ABCD3: variants seen among roughly 807,000 people sequenced by gnomAD.
The protein encoded by ABCD3 is ATP binding cassette subfamily D member 3.
ABCD3 carries 41 observed loss-of-function variants against 105.5 expected under a neutral mutation model. The ratio of observed to expected loss-of-function variants is 0.39; its 90% CI spans 0.30 to 0.50. The LOEUF (loss-of-function observed/expected upper bound fraction) is 0.50, where lower values mean the gene tolerates loss of function less well. Ranked by LOEUF, ABCD3 falls within the 20% of genes least tolerant of loss-of-function variation. The pLI is 0.84. For synonymous variants in ABCD3, 258 were observed against 269.0 expected (o/e 0.96, Z 0.40); for missense variants, 622 against 806.3 (o/e 0.77, Z 2.77).
chr1:94,418,701 G>A, intron 1 of ABCD3, 113 bp downstream of exon 1: 1 of 1,122,558 alleles, frequency 8.9e-7, no homozygotes, highest in South Asian at 1.4e-5. Flanking sequence ...CGGGCGGAGA[G>A]AGGGCCGACC....
At chr1:94,453,152 G>A (rs1193448908) in intron 1 of ABCD3, among the ~76,000 whole-genome samples, 1 of 152,056 alleles carries the variant, frequency 6.6e-6, no homozygotes, top group African/African-American at 2.4e-5. Flanking sequence ...TAAAGCATTG[G>A]AATTATCTGT....
chr1:94,484,629 C>A (rs902818195), intron 10 of ABCD3, among the ~76,000 whole-genome samples: 4 of 151,992 alleles, frequency 2.6e-5, no homozygotes, highest in Admixed American at 1.3e-4. Flanking sequence ...CACACCGGGG[C>A]CTGTTGTGGG....
intron 1 of ABCD3, among the ~76,000 whole-genome samples, chr1:94,456,650 G>A (rs1413003624): frequency 6.6e-6 from 1 of 150,926 alleles, no homozygotes; most frequent in Non-Finnish European, 1.5e-5. Flanking sequence ...TTGATCTCTC[G>A]ATGGACATTT....
At chr1:94,495,332 G>A (rs369636581) in intron 16 of ABCD3, among the ~76,000 whole-genome samples, 8 of 152,036 alleles carry the variant, frequency 5.3e-5, no homozygotes, top group Admixed American at 3.3e-4. Flanking sequence ...GGTTGATCCG[G>A]TAAAGCATTC....
chr1:94,507,781 A>C (rs888157138), intron 21 of ABCD3, among the ~76,000 whole-genome samples: 9 of 148,710 alleles, frequency 6.1e-5, no homozygotes, highest in East Asian at 5.9e-4. Context: ...TGGCTGCATA[A>C]ATGTCTTCTT....
intron 1 of ABCD3, among the ~76,000 whole-genome samples, chr1:94,429,025 A>G (rs1037384944): frequency 5.3e-5 from 8 of 152,338 alleles, no homozygotes; most frequent in Non-Finnish European, 1.2e-4. Context: ...GATATGAGCA[A>G]TAAGGTCCAG....
At chr1:94,511,563 C>T (rs1650673230) in intron 21 of ABCD3, among the ~76,000 whole-genome samples, 1 of 152,106 alleles carries the variant, frequency 6.6e-6, no homozygotes, top group African/African-American at 2.4e-5. Flanking sequence ...GGGAAGTTCT[C>T]CTGGATAATA....
chr1:94,425,734 G>A (rs1055045843), intron 1 of ABCD3, among the ~76,000 whole-genome samples: 3 of 152,032 alleles, frequency 2.0e-5, no homozygotes, highest in Non-Finnish European at 4.4e-5. Context: ...TCTACTTTAC[G>A]GATGCAAAAT....
At chr1:94,452,028 T>C (rs1647284830) in intron 1 of ABCD3, among the ~76,000 whole-genome samples, 1 of 152,234 alleles carries the variant, frequency 6.6e-6, no homozygotes, top group African/African-American at 2.4e-5. Context: ...GCATTCATCA[T>C]CTCTGATCTT....
At chr1:94,428,069 G>GTTTTTTTTTT (rs199615252) in intron 1 of ABCD3, among the ~76,000 whole-genome samples, 1 of 145,572 alleles carries the variant, frequency 6.9e-6, no homozygotes, top group African/African-American at 2.5e-5. Flanking sequence ...GCTAAAAGGT[G>GTTTTTTTTTT]TTTTGTTTTT....
At chr1:94,414,628 G>A (rs181164412), upstream of ABCD3, among the ~76,000 whole-genome samples, 17 of 152,174 alleles carry the variant, frequency 1.1e-4, no homozygotes, top group Admixed American at 8.5e-4. Context: ...CGGTTGGATT[G>A]GTGTTTCAGA....
chr1:94,443,178 A>C (rs895821358), intron 1 of ABCD3, among the ~76,000 whole-genome samples: 2 of 152,086 alleles, frequency 1.3e-5, no homozygotes, highest in African/African-American at 4.8e-5. Flanking sequence ...TAGGATGGTA[A>C]TCTCCTTGTG....
chr1:94,516,100 T>C (rs1246686398), intron 22 of ABCD3, among the ~76,000 whole-genome samples: 1 of 151,932 alleles, frequency 6.6e-6, no homozygotes, highest in Non-Finnish European at 1.5e-5. Flanking sequence ...TCAAGAACTT[T>C]AGGATGTAGA....
At position 94,515,061 on chromosome 1, in the gene ABCD3, G is replaced by T. The variant is rs184821035; in HGVS notation, c.1846-85G>T. Reference sequence around the variant, plus strand: ...TTTTTAACTTTAGTCACTGAAGACTGTCCTCTTAACAGCTTAAAGTACATG... The same window carrying T: ...TTTTTAACTTTAGTCACTGAAGACTTTCCTCTTAACAGCTTAAAGTACATG... On this transcript the variant is annotated intron_variant, in intron 21 of 22. Coordinates refer to ENST00000370214, the MANE Select transcript of ABCD3 (RefSeq NM_002858.4). 148 of 1,063,284 alleles carry T rather than the reference G, an allele frequency of 1.4e-4. 1 individual carries two copies. In the African/African-American group the frequency reaches 2.1e-3, roughly 15 times the overall value. 65.9% of individuals were successfully genotyped at this position (1,063,284 alleles called of 1,614,324 possible).
intron 16 of ABCD3, among the ~76,000 whole-genome samples, chr1:94,495,782 C>T (rs892622890): frequency 5.9e-5 from 9 of 152,090 alleles, no homozygotes; most frequent in Non-Finnish European, 1.0e-4. Flanking sequence ...TCAAATAAAA[C>T]GTAGCAGGGA....
intron 1 of ABCD3, among the ~76,000 whole-genome samples, chr1:94,452,245 C>T (rs980159977): frequency 2.6e-5 from 4 of 152,162 alleles, no homozygotes; most frequent in Non-Finnish European, 5.9e-5. Flanking sequence ...AAGATAAGTG[C>T]TGAATTTTAA....
chr1:94,488,097 G>A (rs1649355521), intron 13 of ABCD3, 114 bp downstream of exon 13: 1 of 913,054 alleles, frequency 1.1e-6, no homozygotes, highest in Non-Finnish European at 1.7e-6. Flanking sequence ...AGCCCAGGAA[G>A]GTGGTTTTGA....
intron 1 of ABCD3, among the ~76,000 whole-genome samples, chr1:94,429,574 A>G (rs565013235): frequency 6.6e-6 from 1 of 152,304 alleles, no homozygotes; most frequent in Admixed American, 6.5e-5. Flanking sequence ...CTGTGACTAA[A>G]AGGGGCCAAG....
intron 21 of ABCD3, among the ~76,000 whole-genome samples, chr1:94,511,035 T>A (rs935946204): frequency 6.6e-6 from 1 of 152,158 alleles, no homozygotes; most frequent in African/African-American, 2.4e-5. Context: ...CCTGTCATTA[T>A]GATGTTAGCT....
Sources: allele counts gnomAD v4.1 joint callset (sites outside exome capture counted in the v4.1 genomes callset), GRCh38; gene constraint gnomAD v4.1.1; transcripts MANE v1.5; gene names NCBI Gene and HGNC (gene_info 2026-07-23, HGNC 2026-07-21).